Variants in SNX10 observed in about 807,000 individuals in gnomAD.
The protein encoded by SNX10 is sorting nexin 10.
SNX10 carries 25 observed loss-of-function variants against 28.5 expected under a neutral mutation model. The observed-to-expected ratio is 0.88, with a 90% confidence interval of 0.64 to 1.22. SNX10 has a LOEUF of 1.22. Ranked by LOEUF, SNX10 falls within the 50% of genes most tolerant of loss-of-function variation. SNX10 has a pLI of 0.00. For synonymous variants in SNX10, 62 were observed against 81.4 expected (o/e 0.76, Z 1.28); for missense variants, 223 against 242.6 (o/e 0.92, Z 0.54).
intron 5 of SNX10, among the ~76,000 whole-genome samples, chr7:26,368,326 T>C (rs1240110738): frequency 1.3e-5 from 2 of 152,216 alleles, no homozygotes; most frequent in African/African-American, 2.4e-5. Flanking sequence ...TTTTCAAATA[T>C]ATTCATTTTT....
chr7:26,317,228 T>G (rs1787127824), intron 1 of SNX10, among the ~76,000 whole-genome samples: 1 of 152,140 alleles, frequency 6.6e-6, no homozygotes, highest in Non-Finnish European at 1.5e-5. Context: ...AGAGCTGACC[T>G]TGTTGGAGGG....
At chr7:26,326,349 G>A (rs962483943) in intron 1 of SNX10, among the ~76,000 whole-genome samples, 20 of 152,108 alleles carry the variant, frequency 1.3e-4, no homozygotes, top group Non-Finnish European at 2.4e-4. Flanking sequence ...CTAGGTGCAC[G>A]AAGCCTCATG....
intron 3 of SNX10, among the ~76,000 whole-genome samples, chr7:26,361,262 C>T (rs909424520): frequency 8.5e-5 from 13 of 152,058 alleles, no homozygotes; most frequent in Admixed American, 3.9e-4. Context: ...CTTATTGTTC[C>T]TTTGTTAATA....
At chr7:26,317,208 C>A (rs1332957917) in intron 1 of SNX10, among the ~76,000 whole-genome samples, 1 of 152,112 alleles carries the variant, frequency 6.6e-6, no homozygotes, top group Non-Finnish European at 1.5e-5. Context: ...ACAAGGGAAG[C>A]TACCTAGGGA....
intron 1 of SNX10, among the ~76,000 whole-genome samples, chr7:26,295,598 C>A (rs2127991942): frequency 6.6e-6 from 1 of 152,336 alleles, no homozygotes; most frequent in South Asian, 2.1e-4. Flanking sequence ...TCCTGAACTT[C>A]CAGTCTCATA....
intron 2 of SNX10, among the ~76,000 whole-genome samples, chr7:26,358,374 T>C (rs1348959105): frequency 1.3e-5 from 2 of 152,216 alleles, no homozygotes; most frequent in East Asian, 3.8e-4. Flanking sequence ...ATCCCTCTTA[T>C]AATTTAGAAT....
chr7:26,314,617 C>T (rs1786995523), intron 1 of SNX10, among the ~76,000 whole-genome samples: 1 of 152,102 alleles, frequency 6.6e-6, no homozygotes, highest in African/African-American at 2.4e-5. Context: ...ATATGCAGTT[C>T]CCTTTTTTTC....
Position 26,333,322 on chromosome 7 carries a change from CT to C in SNX10, c.-23-13078del, listed in dbSNP as rs10636369. Among the ~76,000 whole-genome samples the C allele has an allele frequency of 1.2e-3, 133 of 113,668 alleles. 1 individual carries two copies. Among genetic ancestry groups the C allele is most frequent in the Middle Eastern group, 6.2e-3 (1 of 162 alleles). 74.6% of individuals were successfully genotyped at this position (113,668 alleles called of 152,430 possible). ...TAAATGTAATCCTAGGTATTTTATT[CT>C]TTTTTTTTTTTTTTTTTTTGAGACA... is the stretch of plus-strand genomic sequence containing the variant. On this transcript the variant is annotated intron_variant, in intron 1 of 6. Transcript: ENST00000338523.
intron 1 of SNX10, among the ~76,000 whole-genome samples, chr7:26,338,308 G>A (rs1788023563): frequency 6.6e-6 from 1 of 151,990 alleles, no homozygotes; most frequent in Non-Finnish European, 1.5e-5. Context: ...GTAGAGGTGG[G>A]ATAGTAACTT....
At chr7:26,308,261 G>A (rs1786673567) in intron 1 of SNX10, among the ~76,000 whole-genome samples, 1 of 152,096 alleles carries the variant, frequency 6.6e-6, no homozygotes, top group Non-Finnish European at 1.5e-5. Context: ...CTTCCCCTGT[G>A]TTTCCATAAA....
rs1270593177 is a variant in SNX10 at position 26,364,086 on chromosome 7, G to A, written c.112-449G>A. On this transcript the variant is annotated intron_variant, in intron 3 of 6. Transcript: ENST00000338523. The surrounding 1 kb of genome is among the most constrained non-coding windows in gnomAD (Gnocchi z 4.9). ...ATCTGCAGGGTGGCCATGTCAAGGA[G>A]ATGAAGATTTCTGCAATGTCTCATA... is the stretch of plus-strand genomic sequence containing the variant. 2.0e-5 allele frequency among the ~76,000 whole-genome samples: 3 copies of A among 152,178 alleles called. No individual in the cohort carries two copies. Among genetic ancestry groups the A allele is most frequent in the Non-Finnish European group, 4.4e-5 (3 of 68,026 alleles).
chr7:26,303,661 A>C (rs535278861), intron 1 of SNX10, among the ~76,000 whole-genome samples: 4 of 151,918 alleles, frequency 2.6e-5, no homozygotes, highest in African/African-American at 7.2e-5. Context: ...TCTTTTCTCT[A>C]TGTTTTCTCC....
intron 1 of SNX10, among the ~76,000 whole-genome samples, chr7:26,341,732 G>C (rs12666571): frequency 0.19 from 29,160 of 151,948 alleles, 3,298 homozygotes; most frequent in East Asian, 0.44. Flanking sequence ...TTATCTATCT[G>C]CTTCAGCCTC....
intron 1 of SNX10, among the ~76,000 whole-genome samples, chr7:26,335,791 G>T (rs1483689270): frequency 1.5e-5 from 2 of 137,828 alleles, no homozygotes; most frequent in African/African-American, 2.8e-5. Context: ...TCGCCCAGGC[G>T]GGAGTGCTGT....
chr7:26,293,242 C>T lies in SNX10; in HGVS notation c.-24+1156C>T, dbSNP rs112431685. On this transcript the variant is annotated intron_variant, in intron 1 of 6. Coordinates refer to ENST00000338523, the MANE Select transcript of SNX10 (RefSeq NM_013322.3). ...TTGAGACAAGGTATTATTCTGTCACCCAGGCTGGATTGCAGTGGTGCGATC... is the reference window on the plus strand; with the variant it reads ...TTGAGACAAGGTATTATTCTGTCACTCAGGCTGGATTGCAGTGGTGCGATC... 697 of 152,290 alleles carry T rather than the reference C, an allele frequency of 4.6e-3. 6 individuals carry two copies. Among genetic ancestry groups the T allele is most frequent in the Middle Eastern group, 0.041 (12 of 294 alleles). 9.4% of individuals were successfully genotyped at this position (152,290 alleles called of 1,614,324 possible). A position where few individuals can be genotyped will look rare whatever the true frequency, so the allele number is the denominator to read the frequency against.
chr7:26,353,464 G>GGT (rs1562813937), intron 2 of SNX10, among the ~76,000 whole-genome samples: 1 of 101,616 alleles, frequency 9.8e-6, no homozygotes, highest in Non-Finnish European at 2.0e-5. Flanking sequence ...TTTTTTTGGT[G>GGT]GGGAGACAGA....
At chr7:26,310,539 C>T (rs1584100271) in intron 1 of SNX10, among the ~76,000 whole-genome samples, 1 of 152,056 alleles carries the variant, frequency 6.6e-6, no homozygotes, top group South Asian at 2.1e-4. Flanking sequence ...GGTTAGGGAA[C>T]CCTCTTTGGG....
rs975850968 is a variant in SNX10, at chr7:26,364,977, T to G, written c.213-70T>G. On this transcript the variant is annotated intron_variant, in intron 4 of 6. Coordinates refer to ENST00000338523, the MANE Select transcript of SNX10 (RefSeq NM_013322.3). This position sits in a 1 kb window ranked among gnomAD's most constrained non-coding sequence, Gnocchi z 4.9. ...TCATCATACATAATTTGCCTTCACTTTGAGGGATTTCTGTAACAGAAGCAC... is the reference window on the plus strand; with the variant it reads ...TCATCATACATAATTTGCCTTCACTGTGAGGGATTTCTGTAACAGAAGCAC... 2.2e-6 allele frequency: 2 copies of G among 929,600 alleles called. No homozygotes were observed. The highest frequency in any genetic ancestry group is 3.3e-5 in the African/African-American group (2 of 61,436). The allele number at this position is 929,600 out of a possible 1,614,324, so 57.6% of individuals were successfully genotyped here.
At chr7:26,353,288 A>G (rs549560712) in intron 2 of SNX10, among the ~76,000 whole-genome samples, 1 of 152,324 alleles carries the variant, frequency 6.6e-6, no homozygotes, top group African/African-American at 2.4e-5. Flanking sequence ...TTATTAGGAA[A>G]TAAAGAAAGG....
Sources: allele counts gnomAD v4.1 joint callset (sites outside exome capture counted in the v4.1 genomes callset), GRCh38; gene constraint gnomAD v4.1.1; non-coding constraint Gnocchi (gnomAD v3.1); transcripts MANE v1.5; gene names NCBI Gene and HGNC (gene_info 2026-07-23, HGNC 2026-07-21).